Variants in TEDC1 observed in about 807,000 individuals in gnomAD.
TEDC1 encodes tubulin epsilon and delta complex protein 1.
Under a neutral mutation model 59.9 loss-of-function variants are expected in TEDC1, and 54 were observed. That is an observed-to-expected ratio of 0.90 (90% CI 0.72 to 1.13). The LOEUF (loss-of-function observed/expected upper bound fraction) is 1.13, where lower values mean the gene tolerates loss of function less well. TEDC1 is among the 50% of genes most tolerant of loss of function. TEDC1 has a pLI of 0.00. For synonymous variants in TEDC1, 353 were observed against 298.1 expected, an observed-to-expected ratio of 1.18 and a Z score of -1.90; for missense variants, 734 against 683.4, an observed-to-expected ratio of 1.07 and a Z score of -0.83.
Position 105,498,214 on chromosome 14 carries a change from G to A in TEDC1, c.1158+237G>A, listed in dbSNP as rs370497700. Among the ~76,000 whole-genome samples, 41 of 152,320 alleles carry A rather than the reference G, an allele frequency of 2.7e-4. No homozygotes were observed. In the South Asian group the frequency reaches 6.6e-3, roughly 25 times the overall value. On this transcript the variant is annotated intron_variant, in intron 8 of 8. Coordinates refer to ENST00000392523, the MANE Select transcript of TEDC1 (RefSeq NM_001367178.1). Reference sequence around the variant, plus strand: ...CTGTTGTCTGATTCTTTGCATGAGGGAGGGAAGCCCGTGCTGTGTGGGCCC... The same window carrying A: ...CTGTTGTCTGATTCTTTGCATGAGGAAGGGAAGCCCGTGCTGTGTGGGCCC...
upstream of TEDC1, chr14:105,491,149 G>A: frequency 6.4e-7 from 1 of 1,550,892 alleles, no homozygotes; most frequent in Non-Finnish European, 8.7e-7. Flanking sequence ...GGAGCGCGGT[G>A]ATTGGGTACA....
chr14:105,498,542 G>A, intron 8 of TEDC1, 75 bp from the exon 9 acceptor site: 1 of 1,437,050 alleles, frequency 7.0e-7, no homozygotes, highest in Non-Finnish European at 9.2e-7. Flanking sequence ...CCTGAGTCTG[G>A]GCTCAGGGAA....
intron 6 of TEDC1, 89 bp downstream of exon 6, chr14:105,496,175 T>A (rs945075017): frequency 1.7e-6 from 2 of 1,188,620 alleles, no homozygotes; most frequent in African/African-American, 3.0e-5. Context: ...TTGCTCCTCC[T>A]CTCCTGCCTG....
intron 6 of TEDC1, chr14:105,497,117 C>G (rs2084363813): frequency 1.7e-6 from 1 of 586,508 alleles, no homozygotes; most frequent in Non-Finnish European, 3.0e-6. Context: ...TGGCCGTGCA[C>G]TGGTTGGGGG....
chr14:105,497,264 G>T (rs924566382), intron 6 of TEDC1, 93 bp from the exon 7 acceptor site: 255 of 1,268,890 alleles, frequency 2.0e-4, no homozygotes, highest in Non-Finnish European at 2.5e-4. Context: ...TAGGCGTTGG[G>T]CCGGGTGTCG....
At chr14:105,497,506 T>C in intron 7 of TEDC1, 63 bp downstream of exon 7, 3 of 1,503,528 alleles carry the variant, frequency 2.0e-6, no homozygotes, top group African/African-American at 2.8e-5. Context: ...AGGTGGGGCA[T>C]TCGGGATCTT....
chr14:105,499,092 G>C lies in TEDC1; in HGVS notation c.*146G>C. On this transcript the variant is annotated 3_prime_UTR_variant, in exon 9 of 9. Coordinates refer to ENST00000392523, the MANE Select transcript of TEDC1 (RefSeq NM_001367178.1). Reference sequence around the variant, plus strand: ...CATGCTCGCTCCAGGGGTGGGGCTGGGCTGACTCTGGCCGGATCCCAGGCC... The same window carrying C: ...CATGCTCGCTCCAGGGGTGGGGCTGCGCTGACTCTGGCCGGATCCCAGGCC... 1 of 883,080 alleles carries C rather than the reference G, an allele frequency of 1.1e-6. No individual in the cohort carries two copies. Among genetic ancestry groups the C allele is most frequent in the South Asian group, 1.8e-5 (1 of 56,404 alleles). The allele number at this position is 883,080 out of a possible 1,614,324, so 54.7% of individuals were successfully genotyped here.
At chr14:105,490,899 G>C (rs1555439075), upstream of TEDC1, 19 of 930,452 alleles carry the variant, frequency 2.0e-5, no homozygotes. Context: ...CTGATGGGTG[G>C]GGTCTGAGCG....
chr14:105,490,860 G>T, upstream of TEDC1: 1 of 713,166 alleles, frequency 1.4e-6, no homozygotes, highest in Non-Finnish European at 2.4e-6. Context: ...CCGCCCGGCG[G>T]TTGCTAGGTT....
upstream of TEDC1, chr14:105,490,986 C>A (rs587742302): frequency 1.7e-3 from 2,667 of 1,526,098 alleles, 4 homozygotes; most frequent in Middle Eastern, 3.2e-3. Context: ...AACAGCCCTG[C>A]CAGGAGCCCG....
Position 105,491,693 on chromosome 14 carries a change from C to T in TEDC1, c.219C>T (p.Leu73=), listed in dbSNP as rs1439270116. Residue 73 remains leucine (L), a synonymous_variant, in exon 2 of 9, where the codon CTC becomes CTT. Coordinates refer to ENST00000392523, the MANE Select transcript of TEDC1 (RefSeq NM_001367178.1). ...CTGCGGGCAACGCCTTGGCATCGCT[C>T]GCCCTGGGTAAGCCCCGCTCCTGGC... ...PLPAGNALAS[L]ALEVQARLVK... is the part of the protein sequence containing the mutation. The T allele has an allele frequency of 6.5e-7, 1 of 1,548,730 alleles. No homozygotes were observed. The highest frequency in any genetic ancestry group is 1.2e-5 in the South Asian group (1 of 84,048).
intron 8 of TEDC1, 55 bp from the exon 9 acceptor site, chr14:105,498,562 A>G (rs2141812076): frequency 1.4e-6 from 2 of 1,464,674 alleles, no homozygotes; most frequent in Admixed American, 2.4e-5. Context: ...ATGCTCAGGG[A>G]GCCTGAGGCC....
chr14:105,490,941 C>T, upstream of TEDC1: 2 of 1,244,846 alleles, frequency 1.6e-6, no homozygotes, highest in Non-Finnish European at 2.3e-6. Context: ...GACGATTGAG[C>T]CTGCAAGGGC....
intron 5 of TEDC1, 198 bp downstream of exon 5, chr14:105,494,131 A>G: frequency 1.7e-6 from 1 of 594,854 alleles, no homozygotes; most frequent in Non-Finnish European, 3.0e-6. Context: ...CTCATGGGCC[A>G]CTCACCCTTC....
intron 8 of TEDC1, 55 bp downstream of exon 8, chr14:105,498,032 T>A (rs2084387343): frequency 6.9e-7 from 1 of 1,447,594 alleles, no homozygotes; most frequent in Non-Finnish European, 9.1e-7. Flanking sequence ...GGGGGATGGC[T>A]GACCTGAGGG....
Position 105,498,849 on chromosome 14 carries a change from C to T in TEDC1, c.1391C>T (p.Ala464Val), listed in dbSNP as rs373427074. The change falls in exon 9 of 9, where the codon GCG becomes GTG. Residue 464 changes from alanine to valine, a missense_variant. Physicochemically the swap from Ala to Val is moderately conservative, Grantham distance 64. Transcript: ENST00000392523. ...AGGAGCCAGGAGGCCTGCCTGGAGG[C>T]GGTGCTACGTCGACTACAGGGACAG... The part of the protein sequence containing the change: ...TLRSQEACLE[A>V]VLRRLQGQCR... 7.5e-5 allele frequency: 121 copies of T among 1,610,902 alleles called. No individual in the cohort carries two copies. Among genetic ancestry groups the T allele is most frequent in the Middle Eastern group, 6.6e-4 (4 of 6,036 alleles).
Position 105,492,728 on chromosome 14 carries a change from G to C in TEDC1, c.579G>C (p.Leu193=). The change falls in exon 4 of 9, where the codon CTG becomes CTC. Residue 193 remains leucine, a synonymous_variant. Coordinates refer to ENST00000392523, the MANE Select transcript of TEDC1 (RefSeq NM_001367178.1). ...GTCAGCAGGAGCAGTGCGCCCTCCT[G>C]AGCAAGGTAGAGCTGGCACAGGGCT... ...VSSQQEQCAL[L]SKIHLYTRGC... is the part of the protein sequence containing the mutation. 2 of 1,541,772 alleles carry C rather than the reference G, an allele frequency of 1.3e-6. No individual in the cohort carries two copies. Among genetic ancestry groups the C allele is most frequent in the South Asian group, 1.2e-5 (1 of 84,050 alleles).
At chr14:105,498,113 C>A in intron 8 of TEDC1, 136 bp downstream of exon 8, 2 of 1,143,444 alleles carry the variant, frequency 1.7e-6, no homozygotes, top group Non-Finnish European at 2.3e-6. Flanking sequence ...GAGGCACGTA[C>A]CCTGAGGGAG....
rs782228940 is a variant in TEDC1, at chr14:105,498,669, G to C, written c.1211G>C (p.Arg404Pro). Residue 404 changes from arginine (R) to proline (P), a missense_variant, in exon 9 of 9, where the codon CGG (arginine) becomes CCG (proline). Physicochemically the swap from Arg to Pro is moderately radical, Grantham distance 103. Transcript: ENST00000392523. ...TGGAGTGCCGCGCGGCGGGCCTCTC[G>C]GGAGGCTGTGGAAAAGGAGCTGGGA... is the stretch of plus-strand genomic sequence containing the variant. Reference protein sequence around the residue: ...PEWSAARRASREAVEKELGAL... With the variant: ...PEWSAARRASPEAVEKELGAL... 5 of 1,553,976 alleles carry C rather than the reference G, an allele frequency of 3.2e-6. No individual in the cohort carries two copies. In the East Asian group the frequency reaches 9.7e-5, roughly 30 times the overall value.
Sources: gnomAD v4.1 joint callset for allele counts (sites outside exome capture counted in the v4.1 genomes callset) on GRCh38, gnomAD v4.1.1 for gene constraint, MANE v1.5 for transcripts, NCBI Gene and HGNC (gene_info 2026-07-23, HGNC 2026-07-21) for gene names.